FMN1: variants seen among roughly 807,000 people sequenced by gnomAD.
FMN1 encodes formin 1.
Under a neutral mutation model 132.4 loss-of-function variants are expected in FMN1, and 110 were observed. The observed-to-expected ratio is 0.83, with a 90% CI of 0.71 to 0.97. The LOEUF (loss-of-function observed/expected upper bound fraction) is 0.97, where lower values mean the gene tolerates loss of function less well. Among genes scored for constraint, FMN1 ranks in the 50% least tolerant of loss-of-function variants. FMN1 has a pLI of 0.00. For synonymous variants in FMN1, 722 were observed against 651.7 expected (o/e 1.11, Z -1.64); for missense variants, 1,792 against 1,705.3 (o/e 1.05, Z -0.90).
intron 16 of FMN1, among the ~76,000 whole-genome samples, chr15:32,885,182 C>T (rs577823030): frequency 6.6e-6 from 1 of 152,218 alleles, no homozygotes; most frequent in Non-Finnish European, 1.5e-5. Context: ...ATTTGACAAT[C>T]CATCTACCTG....
At position 33,065,069 on chromosome 15, in the gene FMN1, G is replaced by A; in HGVS notation, c.2049C>T (p.Asp683=). Residue 683 remains aspartate, a synonymous_variant, in exon 6 of 21, where the codon GAC becomes GAT. Transcript: ENST00000616417. ...TGTCATCCTGCTCAGTCAGGCTGTG[G>A]TCAGGCTGTTGAAAGAGCAGGCAAA... ...RSELYLDLHP[D]HSLTEQDDRT... is the part of the protein sequence containing the mutation. The A allele has an allele frequency of 6.2e-7, 1 of 1,604,594 alleles. No homozygotes were observed. The highest frequency in any genetic ancestry group is 8.5e-7 in the Non-Finnish European group (1 of 1,175,228).
chr15:33,070,286 T>C (rs1166688921), intron 5 of FMN1, among the ~76,000 whole-genome samples: 1 of 151,840 alleles, frequency 6.6e-6, no homozygotes, highest in Non-Finnish European at 1.5e-5. Context: ...ATTACAGGCA[T>C]GAGCCACCGC....
chr15:33,099,543 A>G (rs2039214918), intron 4 of FMN1, among the ~76,000 whole-genome samples: 1 of 152,208 alleles, frequency 6.6e-6, no homozygotes, highest in African/African-American at 2.4e-5. Flanking sequence ...ATGTATCATG[A>G]AAGAGAATAG....
intron 15 of FMN1, 73 bp from the exon 16 acceptor site, chr15:32,888,365 A>C: frequency 7.3e-7 from 1 of 1,368,052 alleles, no homozygotes; most frequent in Non-Finnish European, 9.8e-7. Context: ...CAAAGCATCA[A>C]TGAGAAAAAA....
intron 17 of FMN1, among the ~76,000 whole-genome samples, chr15:32,838,113 G>A (rs1201448742): frequency 6.6e-6 from 1 of 152,104 alleles, no homozygotes; most frequent in Admixed American, 6.5e-5. Flanking sequence ...CAACAATGTT[G>A]GGCAAAGACA....
At chr15:32,886,644 G>A (rs370840909) in intron 16 of FMN1, among the ~76,000 whole-genome samples, 256 of 152,222 alleles carry the variant, frequency 1.7e-3, no homozygotes, top group South Asian at 5.8e-3. Flanking sequence ...ATCAGGTTTC[G>A]GCTCAAAGAC....
rs1567163137 is a variant in FMN1, at chr15:32,785,216, ATATTTTTT to A, written c.4131-8305_4131-8298del. On this transcript the variant is annotated intron_variant, in intron 19 of 20. Transcript: ENST00000616417. The stretch of plus-strand genomic sequence containing the variant: ...TGTGTGTGTGTATATATATATATAT[ATATTTTTT>A]TTTTTTTTTTTTTGTAGAGATGAGG... Among the ~76,000 whole-genome samples, 3 of 20,088 alleles carry A rather than the reference ATATTTTTT, an allele frequency of 1.5e-4. 1 individual carries two copies. Among genetic ancestry groups the A allele is most frequent in the African/African-American group, 4.1e-4 (3 of 7,242 alleles). 13.2% of individuals were successfully genotyped at this position (20,088 alleles called of 152,430 possible). A position where few individuals can be genotyped will look rare whatever the true frequency, so the allele number is the denominator to read the frequency against.
chr15:33,159,678 T>C (rs1430820355), intron 3 of FMN1, among the ~76,000 whole-genome samples: 3 of 152,182 alleles, frequency 2.0e-5, no homozygotes, highest in African/African-American at 7.2e-5. Context: ...ATCAACCAAC[T>C]GTAAAGCAGC....
intron 4 of FMN1, among the ~76,000 whole-genome samples, chr15:33,122,546 A>G (rs935813056): frequency 9.2e-5 from 14 of 152,230 alleles, no homozygotes; most frequent in Non-Finnish European, 1.9e-4. Context: ...GCAACAGGAT[A>G]AACAACCAGG....
chr15:33,100,581 T>A (rs2039257059), intron 4 of FMN1, among the ~76,000 whole-genome samples: 1 of 152,000 alleles, frequency 6.6e-6, no homozygotes, highest in African/African-American at 2.4e-5. Flanking sequence ...GCAACAGAGG[T>A]CTTACGGCCC....
intron 4 of FMN1, among the ~76,000 whole-genome samples, chr15:33,125,621 C>T (rs547589219): frequency 7.7e-4 from 117 of 151,982 alleles, no homozygotes; most frequent in Admixed American, 2.0e-3. Context: ...GGGCAGATCA[C>T]TTGAGGTCAG....
At chr15:33,147,428 G>T (rs892706115) in intron 4 of FMN1, among the ~76,000 whole-genome samples, 2 of 152,008 alleles carry the variant, frequency 1.3e-5, no homozygotes, top group African/African-American at 4.8e-5. Context: ...TTTAATCATG[G>T]TGTTATTCTG....
At chr15:32,965,304 G>A (rs1235264297) in intron 8 of FMN1, among the ~76,000 whole-genome samples, 1 of 152,010 alleles carries the variant, frequency 6.6e-6, no homozygotes, top group Non-Finnish European at 1.5e-5. Context: ...GGAGGCTGAG[G>A]CAGGAGAATT....
At chr15:32,891,923 CTAAT>C (rs137995766) in intron 15 of FMN1, among the ~76,000 whole-genome samples, 8,104 of 152,136 alleles carry the variant, frequency 0.053, 353 homozygotes, top group East Asian at 0.13. Context: ...TGAAACTTTG[CTAAT>C]TATTTTATCA....
intron 7 of FMN1, among the ~76,000 whole-genome samples, chr15:32,980,417 T>A (rs892305888): frequency 3.3e-5 from 5 of 152,198 alleles, no homozygotes; most frequent in African/African-American, 1.2e-4. Flanking sequence ...TTTTATTTTC[T>A]TTACAAACCA....
chr15:32,972,614 ACTT>A (rs1035262672), intron 7 of FMN1, among the ~76,000 whole-genome samples: 23 of 151,828 alleles, frequency 1.5e-4, no homozygotes, highest in African/African-American at 5.6e-4. Flanking sequence ...TTCTCCTCCT[ACTT>A]CTTTGCTGTC....
chr15:32,965,481 T>C (rs1429957109), intron 8 of FMN1, among the ~76,000 whole-genome samples: 1 of 152,246 alleles, frequency 6.6e-6, no homozygotes, highest in Admixed American at 6.5e-5. Context: ...TAGGTATATG[T>C]TACAATCCAT....
chr15:33,059,261 T>C (rs2037372753), intron 6 of FMN1, among the ~76,000 whole-genome samples: 1 of 152,158 alleles, frequency 6.6e-6, no homozygotes, highest in Admixed American at 6.5e-5. Flanking sequence ...TTCCATTGTA[T>C]ATATATAACA....
In FMN1 at chr15:33,154,110, G is replaced by A. The variant is rs28507600; in HGVS notation, c.805C>T (p.Pro269Ser). 2.0e-6 allele frequency: 3 copies of A among 1,536,008 alleles called. No homozygotes were observed. Among genetic ancestry groups the A allele is most frequent in the Admixed American group, 3.9e-5 (2 of 50,960 alleles). The change falls in exon 4 of 21, where the codon CCT becomes TCT. Residue 269 changes from proline (P) to serine (S), a missense_variant. Pro to Ser is a moderately conservative substitution (Grantham distance 74). Transcript: ENST00000616417. ...DTGLGREVLP[P>S]DCSSTEAGGD... ...CCTGCCTCTGTGGAGCTGCAGTCAG[G>A]GGGCAGCACTTCTCTTCCAAGCCCA... is the stretch of plus-strand genomic sequence containing the variant.
Sources: allele counts gnomAD v4.1 joint callset (sites outside exome capture counted in the v4.1 genomes callset), GRCh38; gene constraint gnomAD v4.1.1; transcripts MANE v1.5; gene names NCBI Gene and HGNC (gene_info 2026-07-23, HGNC 2026-07-21).